CASP10: variants seen among roughly 807,000 people sequenced by gnomAD.
The protein encoded by CASP10 is caspase 10, also known as caspase-10.
In CASP10, 41 loss-of-function variants were observed where a neutral mutation model predicts 48.5. That is an observed-to-expected ratio of 0.85 (90% CI 0.66 to 1.10). The LOEUF is 1.10. Ranked by LOEUF, CASP10 falls within the 50% of genes least tolerant of loss-of-function variation. The pLI is 0.00. For missense variants in CASP10, 614 were observed against 614.5 expected (o/e 1.00, Z 0.01); for synonymous variants, 232 against 238.4 (o/e 0.97, Z 0.25).
chr2:201,195,804 G>C (rs1944771369), intron 4 of CASP10, 38 bp from the exon 5 acceptor site: 1 of 1,505,672 alleles, frequency 6.6e-7, no homozygotes, highest in South Asian at 1.1e-5. Context: ...CTAGTCAGAA[G>C]GTGATTTTTA....
intron 9 of CASP10, among the ~76,000 whole-genome samples, chr2:201,227,961 T>C (rs1945810337): frequency 6.6e-6 from 1 of 152,134 alleles, no homozygotes. Context: ...CTGCTGGCAT[T>C]CCTCCACTCT....
rs746636209 is a variant in CASP10 at position 201,208,124 on chromosome 2, T to C, written c.863T>C (p.Ile288Thr). ...MNRNHRGLCV[I>T]VNNHSFTSLK... Reference sequence around the variant, plus strand: ...CGGAACCACAGAGGCCTCTGTGTCATTGTCAACAACCACAGCTTTACCTCC... The same window carrying C: ...CGGAACCACAGAGGCCTCTGTGTCACTGTCAACAACCACAGCTTTACCTCC... Residue 288 changes from isoleucine (I) to threonine (T), a missense_variant, in exon 8 of 10, where the codon ATT (isoleucine) becomes ACT (threonine). Physicochemically the swap from Ile to Thr is moderately conservative, Grantham distance 89. Transcript: ENST00000286186. 4.3e-6 allele frequency: 7 copies of C among 1,614,032 alleles called. No homozygotes were observed. The highest frequency in any genetic ancestry group is 1.7e-5 in the Admixed American group (1 of 59,994).
intron 1 of CASP10, among the ~76,000 whole-genome samples, chr2:201,184,320 G>A (rs985444756): frequency 2.6e-5 from 4 of 151,534 alleles, no homozygotes; most frequent in Non-Finnish European, 5.9e-5. Context: ...AGGTTTTTTT[G>A]TTGTTGTTTT....
At position 201,185,839 on chromosome 2, in the gene CASP10, G is replaced by A. The variant is rs140813639; in HGVS notation, c.62G>A (p.Arg21His). 1.4e-4 allele frequency: 226 copies of A among 1,613,968 alleles called. 1 individual carries two copies. The highest frequency in any genetic ancestry group is 1.8e-4 in the Non-Finnish European group (214 of 1,180,006). Residue 21 changes from arginine to histidine, a missense_variant, in exon 2 of 10, where the codon CGT (arginine) becomes CAT (histidine). Physicochemically the swap from Arg to His is conservative, Grantham distance 29 (BLOSUM62 0). Coordinates refer to ENST00000286186, the MANE Select transcript of CASP10 (RefSeq NM_032977.4). ...SSDKNCKVSF[R>H]EKLLIIDSNL... ...GATAAAAACTGTAAAGTGAGCTTTC[G>A]TGAGAAGCTTCTGATTATTGATTCA...
intron 9 of CASP10, among the ~76,000 whole-genome samples, chr2:201,215,810 TTTTTGTTTTG>T (rs746317384): frequency 6.6e-6 from 1 of 152,088 alleles, no homozygotes; most frequent in African/African-American, 2.4e-5. Context: ...TTTTTGTTTG[TTTTTGTTTTG>T]TTTTGTTTTA....
chr2:201,228,549 C>T (rs1945818583), intron 9 of CASP10, among the ~76,000 whole-genome samples: 1 of 152,150 alleles, frequency 6.6e-6, no homozygotes, highest in Non-Finnish European at 1.5e-5. Context: ...CCTGCTGCTG[C>T]TAAAAATGTT....
intron 9 of CASP10, among the ~76,000 whole-genome samples, chr2:201,217,063 C>G (rs1294251769): frequency 6.6e-6 from 1 of 152,144 alleles, no homozygotes; most frequent in Non-Finnish European, 1.5e-5. Flanking sequence ...ATGCCATCCT[C>G]GGTAAATGTT....
chr2:201,185,017 G>A (rs1944364589), intron 1 of CASP10, among the ~76,000 whole-genome samples: 1 of 151,882 alleles, frequency 6.6e-6, no homozygotes, highest in East Asian at 1.9e-4. Context: ...TTTGAAACAG[G>A]GTCTCACTCT....
At chr2:201,197,123 T>C (rs1944824355) in intron 5 of CASP10, among the ~76,000 whole-genome samples, 1 of 150,312 alleles carries the variant, frequency 6.7e-6, no homozygotes, top group African/African-American at 2.4e-5. Context: ...CAGCATACTG[T>C]ATAATGTATT....
chr2:201,198,536 A>ATTTT (rs1944889413), intron 5 of CASP10, among the ~76,000 whole-genome samples: 1 of 59,566 alleles, frequency 1.7e-5, no homozygotes, highest in African/African-American at 7.4e-5. Flanking sequence ...TTATTTTTTA[A>ATTTT]TTCTTTTTTT....
intron 5 of CASP10, among the ~76,000 whole-genome samples, chr2:201,201,494 ACG>A (rs1945017558): frequency 6.6e-6 from 1 of 152,046 alleles, no homozygotes; most frequent in African/African-American, 2.4e-5. Flanking sequence ...ACACACACAC[ACG>A]ATTCTGCTCG....
chr2:201,218,115 T>TCTCA lies in CASP10; in HGVS notation c.*377_*380dup. ...TTTATTTTTTGTAGAGATGGAGGGA[T>TCTCA]CTCACTTTGTTGCACAGGCTGGTTT... On this transcript the variant is annotated 3_prime_UTR_variant, in exon 10 of 10. Transcript: ENST00000286186. 1.3e-6 allele frequency: 1 copy of TCTCA among 775,608 alleles called. No individual in the cohort carries two copies. The highest frequency in any genetic ancestry group is 1.7e-6 in the Non-Finnish European group (1 of 593,886). 48.0% of individuals were successfully genotyped at this position (775,608 alleles called of 1,614,324 possible). A position where few individuals can be genotyped will look rare whatever the true frequency, so the allele number is the denominator to read the frequency against.
chr2:201,187,603 T>G (rs1944458850), intron 2 of CASP10, 103 bp from the exon 3 acceptor site: 13 of 868,190 alleles, frequency 1.5e-5, no homozygotes, highest in Middle Eastern at 2.2e-4. Context: ...ACACATAGAG[T>G]TGATCATTCA....
intron 5 of CASP10, among the ~76,000 whole-genome samples, chr2:201,202,435 C>G (rs6747228): frequency 6.6e-6 from 1 of 152,104 alleles, no homozygotes; most frequent in Non-Finnish European, 1.5e-5. Flanking sequence ...AGTCCCTGTT[C>G]TGGCTGACTT....
At chr2:201,193,293 C>T (rs775033671) in intron 4 of CASP10, 174 bp downstream of exon 4, 15 of 552,032 alleles carry the variant, frequency 2.7e-5, no homozygotes, top group Admixed American at 7.8e-5. Context: ...CTGAAACCTC[C>T]GCCTCCCGGG....
intron 9 of CASP10, among the ~76,000 whole-genome samples, chr2:201,215,446 G>GT (rs1650222411): frequency 6.6e-6 from 1 of 152,118 alleles, no homozygotes; most frequent in South Asian, 2.1e-4. Flanking sequence ...TGAGAGGTAA[G>GT]TGGTTAGTCT....
chr2:201,207,846 G>A (rs577414717), intron 7 of CASP10, among the ~76,000 whole-genome samples: 4 of 151,986 alleles, frequency 2.6e-5, no homozygotes, highest in South Asian at 2.1e-4. Flanking sequence ...GCAGTGAGCC[G>A]AGATCGCGTC....
At chr2:201,184,667 CA>C (rs1944350691) in intron 1 of CASP10, among the ~76,000 whole-genome samples, 1 of 152,132 alleles carries the variant, frequency 6.6e-6, no homozygotes, top group Admixed American at 6.6e-5. Context: ...TAAAAATAGC[CA>C]AGTTCTGCAT....
intron 1 of CASP10, 93 bp from the exon 2 acceptor site, chr2:201,185,678 G>A (rs543457304): frequency 1.9e-4 from 157 of 825,094 alleles, no homozygotes; most frequent in South Asian, 2.9e-4. Flanking sequence ...TGCCCAGAAC[G>A]GAGAAGGTTG....
Sources: allele counts gnomAD v4.1 joint callset (sites outside exome capture counted in the v4.1 genomes callset), GRCh38; gene constraint gnomAD v4.1.1; transcripts MANE v1.5; gene names NCBI Gene and HGNC (gene_info 2026-07-23, HGNC 2026-07-21).